The following HECW1 variants were observed in gnomAD, a reference collection of about 807,000 sequenced individuals.
The protein encoded by HECW1 is E3 ubiquitin-protein ligase HECW1.
HECW1 carries 61 observed loss-of-function variants against 182.3 expected under a neutral mutation model. The observed-to-expected ratio is 0.33, with a 90% CI of 0.27 to 0.41. The LOEUF is 0.41. Among genes scored for constraint, HECW1 ranks in the 10% least tolerant of loss-of-function variants. The probability of loss-of-function intolerance (pLI) is 1.00; values close to 1 mark genes in which losing one functional copy is unlikely to be tolerated. For missense variants in HECW1, 1,739 were observed against 2,108.9 expected, an observed-to-expected ratio of 0.82 and a Z score of 3.44; for synonymous variants, 859 against 832.6, an observed-to-expected ratio of 1.03 and a Z score of -0.55.
At chr7:43,349,441 C>T (rs1453415877) in intron 5 of HECW1, among the ~76,000 whole-genome samples, 1 of 152,190 alleles carries the variant, frequency 6.6e-6, no homozygotes, top group African/African-American at 2.4e-5. Context: ...CTGTCTAGTG[C>T]TGTCAGTGAA....
At chr7:43,268,244 G>A (rs1280071970) in intron 3 of HECW1, among the ~76,000 whole-genome samples, 1 of 152,184 alleles carries the variant, frequency 6.6e-6, no homozygotes, top group Non-Finnish European at 1.5e-5. Flanking sequence ...AGTTACATAA[G>A]CCAATGAGAT....
chr7:43,427,947 C>G (rs982056121), intron 8 of HECW1, among the ~76,000 whole-genome samples: 5 of 152,156 alleles, frequency 3.3e-5, no homozygotes, highest in Non-Finnish European at 5.9e-5. Context: ...CAGGCTCACC[C>G]AAATAATCTC....
At chr7:43,484,819 A>ATCTG (rs1389670796) in intron 17 of HECW1, among the ~76,000 whole-genome samples, 2 of 152,252 alleles carry the variant, frequency 1.3e-5, no homozygotes, top group Non-Finnish European at 2.9e-5. Flanking sequence ...GCGGAGGCAC[A>ATCTG]TCTGTCTGCA....
chr7:43,474,917 G>A (rs1043085160), intron 16 of HECW1, among the ~76,000 whole-genome samples: 3 of 152,140 alleles, frequency 2.0e-5, no homozygotes, highest in African/African-American at 7.2e-5. Context: ...ACTCATATGA[G>A]GAACCTAGAA....
At chr7:43,542,020 GA>G in intron 26 of HECW1, 22 bp downstream of exon 26, 1 of 1,465,678 alleles carries the variant, frequency 6.8e-7, no homozygotes, top group East Asian at 2.6e-5. Context: ...ATGGGGTTTG[GA>G]AAAGGGATTT....
chr7:43,225,965 G>A (rs1345125557), intron 2 of HECW1, among the ~76,000 whole-genome samples: 1 of 152,002 alleles, frequency 6.6e-6, no homozygotes, highest in African/African-American at 2.4e-5. Context: ...TAGAGACGAG[G>A]TCACAGTATG....
At chr7:43,194,890 C>T (rs577478521) in intron 2 of HECW1, among the ~76,000 whole-genome samples, 15 of 152,242 alleles carry the variant, frequency 9.9e-5, no homozygotes, top group African/African-American at 3.6e-4. Flanking sequence ...GACAGGGTTT[C>T]ACCACGTTGG....
chr7:43,139,186 G>T (rs1016389387), intron 2 of HECW1, among the ~76,000 whole-genome samples: 3 of 152,108 alleles, frequency 2.0e-5, no homozygotes, highest in Non-Finnish European at 4.4e-5. Context: ...GACCCTAGGG[G>T]GGCTGCCACA....
At chr7:43,358,341 A>G (rs1815425450) in intron 5 of HECW1, among the ~76,000 whole-genome samples, 1 of 152,192 alleles carries the variant, frequency 6.6e-6, no homozygotes, top group African/African-American at 2.4e-5. Flanking sequence ...TAGACCTAAC[A>G]TGGGGACAAC....
chr7:43,207,947 G>A (rs1162368099), intron 2 of HECW1: 1 of 152,140 alleles, frequency 6.6e-6, no homozygotes, highest in Admixed American at 6.6e-5. Flanking sequence ...TTGTTAAGCT[G>A]TACCTTTGTG....
intron 2 of HECW1, among the ~76,000 whole-genome samples, chr7:43,197,747 C>G (rs941718166): frequency 6.6e-6 from 1 of 152,034 alleles, no homozygotes; most frequent in East Asian, 1.9e-4. Flanking sequence ...GAACACAGAC[C>G]GCTTCCAGGA....
At chr7:43,276,743 T>C (rs141609352) in intron 3 of HECW1, among the ~76,000 whole-genome samples, 161 of 152,350 alleles carry the variant, frequency 1.1e-3, no homozygotes, top group African/African-American at 3.6e-3. Flanking sequence ...CGATTTATAG[T>C]ACGTACAAAA....
intron 10 of HECW1, among the ~76,000 whole-genome samples, 176 bp downstream of exon 10, chr7:43,442,805 C>T (rs2076930163): frequency 6.6e-6 from 1 of 152,206 alleles, no homozygotes; most frequent in Non-Finnish European, 1.5e-5. Flanking sequence ...TGCTGTCCCC[C>T]TGATAGAGAA....
chr7:43,352,959 G>A (rs765098067), intron 5 of HECW1, among the ~76,000 whole-genome samples: 25 of 152,094 alleles, frequency 1.6e-4, no homozygotes, highest in Non-Finnish European at 3.4e-4. Context: ...AGGTGGGGGG[G>A]CAGGGAAGCA....
intron 6 of HECW1, among the ~76,000 whole-genome samples, chr7:43,370,793 A>G (rs1377078480): frequency 6.6e-6 from 1 of 152,180 alleles, no homozygotes; most frequent in Non-Finnish European, 1.5e-5. Context: ...GACCTTCCAA[A>G]CATATGGAGA....
chr7:43,195,028 C>G (rs918471612), intron 2 of HECW1, among the ~76,000 whole-genome samples: 1 of 152,116 alleles, frequency 6.6e-6, no homozygotes, highest in African/African-American at 2.4e-5. Context: ...CTCTGAAGGA[C>G]TGTTTTTTAA....
chr7:43,420,634 A>T (rs2076150328), intron 8 of HECW1, among the ~76,000 whole-genome samples: 2 of 152,360 alleles, frequency 1.3e-5, no homozygotes, highest in South Asian at 4.1e-4. Flanking sequence ...GAATAAATAA[A>T]AGGTAGATAC....
chr7:43,504,498 TC>T (rs2079498453), intron 21 of HECW1, among the ~76,000 whole-genome samples: 1 of 152,172 alleles, frequency 6.6e-6, no homozygotes, highest in Admixed American at 6.5e-5. Flanking sequence ...TGCCCTGAAC[TC>T]CCCTGGCCCT....
At chr7:43,553,782 G>A (rs2152960622) in intron 28 of HECW1, among the ~76,000 whole-genome samples, 1 of 150,928 alleles carries the variant, frequency 6.6e-6, no homozygotes, top group South Asian at 2.1e-4. Context: ...GCTTACTGTT[G>A]CCTGCATATT....
Sources: gnomAD v4.1 joint callset for allele counts (sites outside exome capture counted in the v4.1 genomes callset) on GRCh38, gnomAD v4.1.1 for gene constraint, MANE v1.5 for transcripts, NCBI Gene and HGNC (gene_info 2026-07-23, HGNC 2026-07-21) for gene names.